Variants in IFT74 observed in about 807,000 individuals in gnomAD.
IFT74 encodes intraflagellar transport 74.
Under a neutral mutation model 96.7 loss-of-function variants are expected in IFT74, and 92 were observed. The ratio of observed to expected loss-of-function variants is 0.95; its 90% CI spans 0.80 to 1.13. The LOEUF is 1.13. Ranked by LOEUF, IFT74 falls within the 50% of genes most tolerant of loss-of-function variation. The pLI is 0.00. For missense variants in IFT74, 811 were observed against 698.2 expected, an observed-to-expected ratio of 1.16 and a Z score of -1.82; for synonymous variants, 223 against 213.2, an observed-to-expected ratio of 1.05 and a Z score of -0.40.
At chr9:26,960,188 A>T (rs1044958742) in intron 1 of IFT74, among the ~76,000 whole-genome samples, 3 of 150,806 alleles carry the variant, frequency 2.0e-5, no homozygotes, top group African/African-American at 4.9e-5. Context: ...TCTGACACAC[A>T]CTCCTGGTTT....
rs1820517436 is a variant in IFT74 at position 27,063,560 on chromosome 9, A to G, written c.*824A>G. On this transcript the variant is annotated 3_prime_UTR_variant, in exon 20 of 20. Transcript: ENST00000380062. ...GTCTGGAAGACATTATATTAACTGTAGATGTATCTTCTCTTATCGTGCAGG... is the reference window on the plus strand; with the variant it reads ...GTCTGGAAGACATTATATTAACTGTGGATGTATCTTCTCTTATCGTGCAGG... 6.6e-6 allele frequency among the ~76,000 whole-genome samples: 1 copy of G among 152,108 alleles called. No individual in the cohort carries two copies. Among genetic ancestry groups the G allele is most frequent in the Non-Finnish European group, 1.5e-5 (1 of 67,968 alleles).
chr9:26,998,911 T>A (rs1236959040), intron 8 of IFT74, among the ~76,000 whole-genome samples: 1 of 152,050 alleles, frequency 6.6e-6, no homozygotes, highest in Non-Finnish European at 1.5e-5. Context: ...GGATAATCGC[T>A]TCAACCCAGG....
chr9:26,980,505 G>C (rs1249463744), intron 3 of IFT74, 66 bp from the exon 4 acceptor site: 3 of 926,950 alleles, frequency 3.2e-6, no homozygotes, highest in Non-Finnish European at 5.4e-6. Context: ...TTCTGATTGT[G>C]CTTTGGATTT....
chr9:27,013,723 C>T (rs1829217471), intron 10 of IFT74, among the ~76,000 whole-genome samples: 2 of 151,966 alleles, frequency 1.3e-5, no homozygotes, highest in African/African-American at 2.4e-5. Context: ...ATATTTTTGG[C>T]GTTTCAGTAT....
chr9:26,963,452 A>G (rs1256694758), intron 2 of IFT74, among the ~76,000 whole-genome samples: 3 of 150,420 alleles, frequency 2.0e-5, no homozygotes, highest in East Asian at 4.0e-4. Context: ...AGCATGATTT[A>G]TAGTCCTTTG....
chr9:27,011,646 T>G (rs1232307112), intron 9 of IFT74, among the ~76,000 whole-genome samples: 1 of 87,602 alleles, frequency 1.1e-5, no homozygotes, highest in Non-Finnish European at 2.0e-5. Context: ...ACTCATGAAG[T>G]TTTTTTTTTT....
intron 2 of IFT74, among the ~76,000 whole-genome samples, chr9:26,968,230 T>G (rs957392262): frequency 4.0e-5 from 6 of 151,552 alleles, no homozygotes; most frequent in Non-Finnish European, 5.9e-5. Flanking sequence ...CCTGAGCTTT[T>G]CTTTGCTGGG....
At chr9:27,060,455 C>T (rs1820363049) in intron 18 of IFT74, 136 bp from the exon 19 acceptor site, 1 of 420,742 alleles carries the variant, frequency 2.4e-6, no homozygotes, top group African/African-American at 2.1e-5. Context: ...TTTTTTTCTA[C>T]CGTGGCTTTA....
At chr9:26,976,874 G>A (rs995499601) in intron 2 of IFT74, 35 of 436,014 alleles carry the variant, frequency 8.0e-5, no homozygotes, top group Non-Finnish European at 1.5e-4. Flanking sequence ...CTGAAGTAGA[G>A]AATCTTGTTG....
At chr9:26,950,647 A>G (rs1237070212) in intron 1 of IFT74, among the ~76,000 whole-genome samples, 1 of 152,228 alleles carries the variant, frequency 6.6e-6, no homozygotes, top group Non-Finnish European at 1.5e-5. Flanking sequence ...TTCTCTCATT[A>G]GTTATAATTC....
At chr9:26,987,737 C>T (rs1282862219) in intron 6 of IFT74, among the ~76,000 whole-genome samples, 1 of 152,168 alleles carries the variant, frequency 6.6e-6, no homozygotes, top group East Asian at 1.9e-4. Context: ...ATATCTACTT[C>T]ATACAGTAAT....
At chr9:27,011,108 C>G (rs1489998495) in intron 9 of IFT74, among the ~76,000 whole-genome samples, 1 of 152,094 alleles carries the variant, frequency 6.6e-6, no homozygotes, top group Non-Finnish European at 1.5e-5. Context: ...CAAAAATTAG[C>G]CAGGCATGGT....
At chr9:26,974,355 T>G (rs575150204) in intron 2 of IFT74, among the ~76,000 whole-genome samples, 1 of 152,338 alleles carries the variant, frequency 6.6e-6, no homozygotes, top group South Asian at 2.1e-4. Flanking sequence ...TAGTCAATTC[T>G]TAGTGACAAA....
At chr9:26,957,523 G>A (rs1007318828) in intron 1 of IFT74, among the ~76,000 whole-genome samples, 1 of 152,204 alleles carries the variant, frequency 6.6e-6, no homozygotes, top group African/African-American at 2.4e-5. Flanking sequence ...GGGTCAGGAA[G>A]ATTGATGTGA....
In IFT74 at chr9:27,064,425, A is replaced by G. The variant is rs1176572547; in HGVS notation, c.*1689A>G. Among the ~76,000 whole-genome samples the G allele has an allele frequency of 6.6e-6, 1 of 152,174 alleles. No individual in the cohort carries two copies. The highest frequency in any genetic ancestry group is 1.5e-5 in the Non-Finnish European group (1 of 67,986). ...GAGAATGAAATCTGAAATTCAGTAG[A>G]TAAAACAGGTAATAGATTTTGATGA... is the stretch of plus-strand genomic sequence containing the variant. On this transcript the variant is annotated 3_prime_UTR_variant, in exon 20 of 20. Transcript: ENST00000380062.
chr9:27,002,035 A>C (rs987167599), intron 8 of IFT74, among the ~76,000 whole-genome samples: 3 of 152,086 alleles, frequency 2.0e-5, no homozygotes, highest in African/African-American at 7.2e-5. Context: ...GGAAACTTAC[A>C]ATCATGGTGG....
At chr9:27,020,708 T>C (rs1468517955) in intron 12 of IFT74, among the ~76,000 whole-genome samples, 2 of 152,112 alleles carry the variant, frequency 1.3e-5, no homozygotes, top group African/African-American at 2.4e-5. Context: ...TCTCCTGACC[T>C]CGTGATCTGC....
chr9:27,049,059 C>G (rs1045832986), intron 16 of IFT74, among the ~76,000 whole-genome samples: 3 of 152,054 alleles, frequency 2.0e-5, no homozygotes, highest in African/African-American at 4.8e-5. Context: ...TTTAAAAGAG[C>G]CTGGTACCTC....
At position 27,009,105 on chromosome 9, in the gene IFT74, G is replaced by C; in HGVS notation, c.673G>C (p.Glu225Gln). Residue 225 changes from glutamate (E) to glutamine (Q), a missense_variant, in exon 9 of 20, where the codon GAA becomes CAA. Coordinates refer to ENST00000380062, the MANE Select transcript of IFT74 (RefSeq NM_025103.4). ...TGACATTATCAAAAATATGTCTTTTGAAAACCAAGTCAAGTACCTAGAGAT... is the reference window on the plus strand; with the variant it reads ...TGACATTATCAAAAATATGTCTTTTCAAAACCAAGTCAAGTACCTAGAGAT... ...TDDIIKNMSF[E>Q]NQVKYLEMKT... 6.2e-7 allele frequency: 1 copy of C among 1,613,178 alleles called. No individual in the cohort carries two copies.
Sources: allele counts gnomAD v4.1 joint callset (sites outside exome capture counted in the v4.1 genomes callset), GRCh38; gene constraint gnomAD v4.1.1; transcripts MANE v1.5; gene names NCBI Gene and HGNC (gene_info 2026-07-23, HGNC 2026-07-21).